EPS15: variants seen among roughly 807,000 people sequenced by gnomAD.
EPS15 encodes the protein epidermal growth factor receptor pathway substrate 15, also known as epidermal growth factor receptor substrate 15.
EPS15 carries 72 observed loss-of-function variants against 113.8 expected under a neutral mutation model. That is an observed-to-expected ratio of 0.63 (90% CI 0.52 to 0.77). EPS15 has a LOEUF of 0.77. Among genes scored for constraint, EPS15 ranks in the 30% least tolerant of loss-of-function variants. The pLI is 0.00. For missense variants in EPS15, 1,048 were observed against 1,045.8 expected, an observed-to-expected ratio of 1.00 and a Z score of -0.03; for synonymous variants, 344 against 363.4, an observed-to-expected ratio of 0.95 and a Z score of 0.61.
chr1:51,392,336 T>G (rs182496642), intron 21 of EPS15, among the ~76,000 whole-genome samples: 1 of 152,120 alleles, frequency 6.6e-6, no homozygotes, highest in Non-Finnish European at 1.5e-5. Flanking sequence ...TAGAGAAAAA[T>G]GATTAGCATG....
At chr1:51,499,360 AATTC>A (rs1644376525) in intron 1 of EPS15, among the ~76,000 whole-genome samples, 1 of 151,790 alleles carries the variant, frequency 6.6e-6, no homozygotes, top group Non-Finnish European at 1.5e-5. Flanking sequence ...ATTTTTTTTT[AATTC>A]ATTTAGCTCT....
At chr1:51,387,514 C>A (rs1415727615) in intron 21 of EPS15, among the ~76,000 whole-genome samples, 1 of 152,040 alleles carries the variant, frequency 6.6e-6, no homozygotes, top group Non-Finnish European at 1.5e-5. Flanking sequence ...AATTAAAAGA[C>A]ACAGACTGGC....
chr1:51,499,191 G>A (rs1644373703), intron 1 of EPS15, among the ~76,000 whole-genome samples: 2 of 152,134 alleles, frequency 1.3e-5, no homozygotes, highest in South Asian at 4.1e-4. Context: ...CCAGTTTTTG[G>A]TATTTTGTTA....
At chr1:51,391,143 G>C (rs921683383) in intron 21 of EPS15, among the ~76,000 whole-genome samples, 7 of 152,188 alleles carry the variant, frequency 4.6e-5, no homozygotes, top group Admixed American at 1.3e-4. Flanking sequence ...CATAAAAAAT[G>C]ATGAGTTCAT....
At chr1:51,368,551 G>A (rs191962207) in intron 21 of EPS15, among the ~76,000 whole-genome samples, 3 of 151,662 alleles carry the variant, frequency 2.0e-5, no homozygotes, top group South Asian at 2.1e-4. Flanking sequence ...GTAGTTTCAG[G>A]GTTTCCCTTC....
chr1:51,484,563 C>A (rs552913373), intron 1 of EPS15, among the ~76,000 whole-genome samples: 1 of 152,250 alleles, frequency 6.6e-6, no homozygotes, highest in South Asian at 2.1e-4. Context: ...TAAGTGCTTT[C>A]ACCACATAAA....
intron 24 of EPS15, among the ~76,000 whole-genome samples, chr1:51,360,801 T>G (rs533631204): frequency 2.0e-5 from 3 of 152,256 alleles, no homozygotes; most frequent in African/African-American, 7.2e-5. Flanking sequence ...AACTTATTAC[T>G]GGCATTATTC....
rs1444358797 is a variant in EPS15 at position 51,481,332 on chromosome 1, AT to A, written c.34-19del. 1 of 1,079,678 alleles carries A rather than the reference AT, an allele frequency of 9.3e-7. No homozygotes were observed. The allele number at this position is 1,079,678 out of a possible 1,614,324, so 66.9% of individuals were successfully genotyped here. The stretch of plus-strand genomic sequence containing the variant: ...CTTGATAACTGAAATAAACACATTA[AT>A]AAAAATTAGATGCTATTCATTAACT... On this transcript the variant is annotated intron_variant, in intron 1 of 24. Transcript: ENST00000371733.
chr1:51,374,610 CAAAA>C (rs1277914793), intron 21 of EPS15, among the ~76,000 whole-genome samples: 3 of 152,102 alleles, frequency 2.0e-5, no homozygotes, highest in African/African-American at 7.2e-5. Flanking sequence ...GTCTCCAAAA[CAAAA>C]CAAACAAACA....
At chr1:51,479,184 C>T (rs953506368) in intron 2 of EPS15, among the ~76,000 whole-genome samples, 11 of 152,158 alleles carry the variant, frequency 7.2e-5, no homozygotes, top group African/African-American at 2.7e-4. Flanking sequence ...CTAAACTTCT[C>T]TTCTCGCTTC....
chr1:51,468,222 A>T (rs962101830), intron 5 of EPS15, among the ~76,000 whole-genome samples: 1 of 152,026 alleles, frequency 6.6e-6, no homozygotes, highest in African/African-American at 2.4e-5. Context: ...TGCCTCCCAA[A>T]GTGTTGGGAT....
Position 51,403,476 on chromosome 1 carries a change from A to G in EPS15, c.1734T>C (p.Thr578=), listed in dbSNP as rs1445511634. 2 of 1,610,922 alleles carry G rather than the reference A, an allele frequency of 1.2e-6. No homozygotes were observed. The highest frequency in any genetic ancestry group is 1.7e-6 in the Non-Finnish European group (2 of 1,178,484). The part of the protein sequence containing the change: ...PSGVTDENEV[T]TAVTEKVCSE... The stretch of plus-strand genomic sequence containing the variant: ...AACAAACTTTTTCAGTAACAGCTGT[A>G]GTCACCTCATTTTCATCAGTCACAC... The change falls in exon 17 of 25, where the codon ACT becomes ACC. Residue 578 remains threonine (T), a synonymous_variant. Transcript: ENST00000371733.
chr1:51,368,182 T>C (rs1359931245), intron 21 of EPS15, among the ~76,000 whole-genome samples: 2 of 152,092 alleles, frequency 1.3e-5, no homozygotes, highest in Non-Finnish European at 2.9e-5. Flanking sequence ...AAACTATTCT[T>C]AGAACAAAAG....
intron 14 of EPS15, among the ~76,000 whole-genome samples, chr1:51,409,232 TTTTTTGATGTATGG>T (rs1427935411): frequency 6.6e-6 from 1 of 152,100 alleles, no homozygotes; most frequent in Non-Finnish European, 1.5e-5. Flanking sequence ...AATTATGATG[TTTTTTGATGTATGG>T]TTTTCGTAAA....
chr1:51,398,139 C>T (rs1252743564), intron 20 of EPS15, among the ~76,000 whole-genome samples: 6 of 151,812 alleles, frequency 4.0e-5, no homozygotes, highest in Non-Finnish European at 7.4e-5. Context: ...CTGCAAGCTC[C>T]GCCTCCCGGG....
chr1:51,368,619 T>TGGG (rs1646565808), intron 21 of EPS15, among the ~76,000 whole-genome samples: 1 of 149,728 alleles, frequency 6.7e-6, no homozygotes, highest in Admixed American at 6.7e-5. Context: ...TTTTTGGAGA[T>TGGG]GGAGTCTCGC....
intron 12 of EPS15, among the ~76,000 whole-genome samples, chr1:51,438,966 C>T (rs961072771): frequency 6.6e-6 from 1 of 151,904 alleles, no homozygotes; most frequent in African/African-American, 2.4e-5. Context: ...AGTTTTATGT[C>T]ATAGGAAAAG....
chr1:51,407,893 G>A (rs1030157246), intron 15 of EPS15, among the ~76,000 whole-genome samples: 17 of 152,040 alleles, frequency 1.1e-4, no homozygotes, highest in Non-Finnish European at 7.4e-5. Context: ...CTTAAACCTA[G>A]ACCATCTAGC....
rs982602895 is a variant in EPS15, at chr1:51,356,011, C to G, written c.*689G>C. ...AACACACTGAGAGGTATCTGTTGAT[C>G]TAAAATTCTCTAAATCCAGATAAAT... On this transcript the variant is annotated 3_prime_UTR_variant, in exon 25 of 25. Transcript: ENST00000371733. The G allele has an allele frequency of 1.5e-5, 3 of 194,900 alleles. No individual in the cohort carries two copies. Among genetic ancestry groups the G allele is most frequent in the Middle Eastern group, 1.8e-3 (1 of 556 alleles). The allele number at this position is 194,900 out of a possible 1,614,324, so 12.1% of individuals were successfully genotyped here.
Sources: gnomAD v4.1 joint callset for allele counts (sites outside exome capture counted in the v4.1 genomes callset) on GRCh38, gnomAD v4.1.1 for gene constraint, MANE v1.5 for transcripts, NCBI Gene and HGNC (gene_info 2026-07-23, HGNC 2026-07-21) for gene names.